GAK: variants seen among roughly 807,000 people sequenced by gnomAD.
The protein encoded by GAK is cyclin-G-associated kinase.
Under a neutral mutation model 143.9 loss-of-function variants are expected in GAK, and 79 were observed. The observed-to-expected ratio is 0.55, with a 90% CI of 0.46 to 0.66. The LOEUF is 0.66. Ranked by LOEUF, GAK falls within the 30% of genes least tolerant of loss-of-function variation. GAK has a pLI of 0.00. For missense variants in GAK, 1,693 were observed against 1,779.7 expected (o/e 0.95, Z 0.88); for synonymous variants, 881 against 765.5 (o/e 1.15, Z -2.49).
At chr4:882,952 G>T in intron 13 of GAK, 133 bp from the exon 14 acceptor site, 2 of 1,149,916 alleles carry the variant, frequency 1.7e-6, no homozygotes, top group Non-Finnish European at 2.4e-6. Context: ...CCACCTGCGC[G>T]AGACCTGAGC....
chr4:860,227 G>A (rs935746063), intron 23 of GAK, among the ~76,000 whole-genome samples: 8 of 151,492 alleles, frequency 5.3e-5, no homozygotes, highest in Admixed American at 2.6e-4. Context: ...AGGGGTTGAC[G>A]GCCCCAGCTA....
At chr4:908,193 C>T (rs1721421241) in intron 4 of GAK, among the ~76,000 whole-genome samples, 1 of 152,180 alleles carries the variant, frequency 6.6e-6, no homozygotes. Flanking sequence ...CAGGAAGCCC[C>T]GTCTGGCCTT....
intron 1 of GAK, among the ~76,000 whole-genome samples, chr4:928,228 T>C (rs553017833): frequency 2.0e-5 from 3 of 152,314 alleles, no homozygotes; most frequent in East Asian, 1.9e-4. Flanking sequence ...CAGCTAGTTT[T>C]TGTATTTTCA....
intron 4 of GAK, among the ~76,000 whole-genome samples, chr4:909,928 T>C (rs1721747909): frequency 6.6e-6 from 1 of 152,090 alleles, no homozygotes; most frequent in Admixed American, 6.5e-5. Flanking sequence ...CAGGCGGCTC[T>C]GACCACCCCC....
chr4:885,393 T>C (rs1467967384), intron 11 of GAK, among the ~76,000 whole-genome samples: 1 of 152,158 alleles, frequency 6.6e-6, no homozygotes, highest in Non-Finnish European at 1.5e-5. Context: ...CTGACCAACA[T>C]GGTGAAACCC....
Position 893,999 on chromosome 4 carries a change from C to T in GAK, c.752G>A (p.Cys251Tyr), listed in dbSNP as rs1187685489. The change falls in exon 8 of 28, where the codon TGC (cysteine) becomes TAC (tyrosine). Residue 251 changes from cysteine (C) to tyrosine (Y), a missense_variant. Physicochemically the swap from Cys to Tyr is radical, Grantham distance 194. Transcript: ENST00000314167. The part of the protein sequence containing the change: ...GEKQDIWALG[C>Y]ILYLLCFRQH... ...CCGGAAGCACAGCAGGTACAAGATG[C>T]AGCCCAGGGCCTGCGGGGAGAGCAG... is the stretch of plus-strand genomic sequence containing the variant. 1.2e-6 allele frequency: 2 copies of T among 1,606,518 alleles called. No individual in the cohort carries two copies. Among genetic ancestry groups the T allele is most frequent in the African/African-American group, 1.3e-5 (1 of 74,782 alleles).
intron 21 of GAK, among the ~76,000 whole-genome samples, chr4:866,751 G>A (rs1234565883): frequency 6.6e-6 from 1 of 152,216 alleles, no homozygotes; most frequent in African/African-American, 2.4e-5. Flanking sequence ...CTGCTGAGAT[G>A]GAGAAGCCAG....
At position 905,477 on chromosome 4, in the gene GAK, TGCTACGGACTCCGCCACGCCCCATGCCAC is replaced by T. The variant is rs1560410217; in HGVS notation, c.383-727_383-699del. 2.7e-4 allele frequency among the ~76,000 whole-genome samples: 37 copies of T among 139,082 alleles called. 1 individual carries two copies. The highest frequency in any genetic ancestry group is 7.2e-4 in the African/African-American group (25 of 34,534). The allele number at this position is 139,082 out of a possible 152,430, so 91.2% of individuals were successfully genotyped here. ...AGGGGCTCCGCCACGCCCCATGCCA[TGCTACGGACTCCGCCACGCCCCATGCCAC>T]GCTACGGACTCCGCCACGCCCCATG... On this transcript the variant is annotated intron_variant, in intron 4 of 27. Transcript: ENST00000314167.
At chr4:849,854 C>A in intron 27 of GAK, 38 bp downstream of exon 27, 1 of 1,504,070 alleles carries the variant, frequency 6.6e-7, no homozygotes, top group Non-Finnish European at 9.0e-7. Flanking sequence ...CGCCCCGCCC[C>A]TGAAGGCCTC....
At chr4:920,109 C>T (rs1723673553) in intron 1 of GAK, among the ~76,000 whole-genome samples, 1 of 152,108 alleles carries the variant, frequency 6.6e-6, no homozygotes, top group Non-Finnish European at 1.5e-5. Context: ...GAGATCGAGA[C>T]CATCCTGGCT....
At chr4:918,867 A>G (rs78890833) in intron 1 of GAK, among the ~76,000 whole-genome samples, 1 of 133,506 alleles carries the variant, frequency 7.5e-6, no homozygotes, top group Non-Finnish European at 1.7e-5. Context: ...CCTTAGAAAG[A>G]CAGAAGGCTC....
chr4:853,130 T>A (rs1748482448), intron 24 of GAK: 1 of 152,086 alleles, frequency 6.6e-6, no homozygotes. Flanking sequence ...ATGCCCAGAC[T>A]GTCATCTTAG....
intron 12 of GAK, among the ~76,000 whole-genome samples, 179 bp downstream of exon 12, chr4:883,858 G>C (rs554067701): frequency 6.6e-6 from 1 of 152,246 alleles, no homozygotes; most frequent in Non-Finnish European, 1.5e-5. Flanking sequence ...CCACTGCTGC[G>C]CCTGGAGGTG....
At chr4:888,993 C>G (rs1241171835) in intron 10 of GAK, 23 bp from the exon 11 acceptor site, 1 of 1,602,906 alleles carries the variant, frequency 6.2e-7, no homozygotes, top group South Asian at 1.1e-5. Flanking sequence ...ACAGTCTCAG[C>G]AGGCCCCAGG....
In GAK at chr4:912,340, G is replaced by T. The variant is rs1028336517; in HGVS notation, c.267+395C>A. ...GGGACAGCCTGAGAAGGGACGAGAG[G>T]GGCGGCTGAGAAGCCACATCGGGGC... is the stretch of plus-strand genomic sequence containing the variant. On this transcript the variant is annotated intron_variant, in intron 3 of 27. Coordinates refer to ENST00000314167, the MANE Select transcript of GAK (RefSeq NM_005255.4). 643 of 368,186 alleles carry T rather than the reference G, an allele frequency of 1.7e-3. 4 individuals carry two copies. Among genetic ancestry groups the T allele is most frequent in the Non-Finnish European group, 2.1e-3 (394 of 183,620 alleles). 22.8% of individuals were successfully genotyped at this position (368,186 alleles called of 1,614,324 possible).
chr4:885,818 G>C (rs908825480), intron 11 of GAK: 1 of 151,930 alleles, frequency 6.6e-6, no homozygotes, highest in African/African-American at 2.4e-5. Flanking sequence ...CCAGGCCAGA[G>C]TGCAGTGGCA....
chr4:924,535 A>ACACGG (rs1304272086), intron 1 of GAK, among the ~76,000 whole-genome samples: 28 of 152,372 alleles, frequency 1.8e-4, no homozygotes, highest in African/African-American at 5.5e-4. Context: ...ATAACAGCGG[A>ACACGG]TACGGTTTGG....
At chr4:896,817 G>A (rs1377171879) in intron 6 of GAK, among the ~76,000 whole-genome samples, 1 of 152,248 alleles carries the variant, frequency 6.6e-6, no homozygotes, top group Admixed American at 6.5e-5. Context: ...TGGCATGTCG[G>A]CACCGACGTA....
chr4:858,878 G>A (rs1158957885), intron 24 of GAK, among the ~76,000 whole-genome samples: 2 of 152,222 alleles, frequency 1.3e-5, no homozygotes, highest in Non-Finnish European at 2.9e-5. Flanking sequence ...AGATGCCATA[G>A]CCTGGGGCTG....
Sources: allele counts gnomAD v4.1 joint callset (sites outside exome capture counted in the v4.1 genomes callset), GRCh38; gene constraint gnomAD v4.1.1; transcripts MANE v1.5; gene names NCBI Gene and HGNC (gene_info 2026-07-23, HGNC 2026-07-21).